Variants in COA1 observed in about 807,000 individuals in gnomAD.
COA1 encodes the protein cytochrome c oxidase assembly factor 1 homolog.
COA1 carries 13 observed loss-of-function variants against 16.0 expected under a neutral mutation model. The ratio of observed to expected loss-of-function variants is 0.81; its 90% CI spans 0.53 to 1.29. The LOEUF (loss-of-function observed/expected upper bound fraction) is 1.29. Ranked by LOEUF, COA1 falls within the 50% of genes most tolerant of loss-of-function variation. The pLI is 0.00. For missense variants in COA1, 179 were observed against 177.0 expected (o/e 1.01, Z -0.06); for synonymous variants, 65 against 65.7 (o/e 0.99, Z 0.05).
intron 1 of COA1, among the ~76,000 whole-genome samples, chr7:43,659,539 G>T (rs548383166): frequency 2.6e-5 from 4 of 152,206 alleles, no homozygotes; most frequent in African/African-American, 9.6e-5. Flanking sequence ...AAATGAATAT[G>T]AGTAGGGCAA....
chr7:43,659,763 GT>G (rs2153154424), intron 1 of COA1, among the ~76,000 whole-genome samples: 1 of 152,164 alleles, frequency 6.6e-6, no homozygotes, highest in East Asian at 1.9e-4. Flanking sequence ...TCCCCTGCCT[GT>G]TTTACATAGC....
chr7:43,691,407 G>GAAA (rs1563384901), intron 1 of COA1, among the ~76,000 whole-genome samples: 6 of 104,746 alleles, frequency 5.7e-5, no homozygotes, highest in African/African-American at 7.3e-5. Context: ...AAGGAAGGAA[G>GAAA]GAAGGAAGAA....
At chr7:43,660,334 T>G (rs900964766) in intron 1 of COA1, among the ~76,000 whole-genome samples, 2 of 151,980 alleles carry the variant, frequency 1.3e-5, no homozygotes, top group African/African-American at 4.8e-5. Flanking sequence ...CTGACCCTCC[T>G]CCACTCCACA....
At chr7:43,712,719 T>C (rs1043044123) in intron 1 of COA1, among the ~76,000 whole-genome samples, 1 of 152,238 alleles carries the variant, frequency 6.6e-6, no homozygotes, top group Admixed American at 6.5e-5. Flanking sequence ...AACTCAACTG[T>C]ATAAACATTG....
chr7:43,674,797 A>T (rs1292201707), intron 1 of COA1, among the ~76,000 whole-genome samples: 1 of 152,198 alleles, frequency 6.6e-6, no homozygotes, highest in Non-Finnish European at 1.5e-5. Flanking sequence ...ACTTTTAAGG[A>T]CAAACTTCCT....
chr7:43,691,421 A>AAAAGAAAGAAATAAAG (rs1554542663), intron 1 of COA1, among the ~76,000 whole-genome samples: 56 of 87,516 alleles, frequency 6.4e-4, no homozygotes, highest in Non-Finnish European at 8.7e-4. Context: ...GGAAGAAAGA[A>AAAAGAAAGAAATAAAG]AAAGAAAGAA....
chr7:43,686,848 G>A (rs2094059033), intron 1 of COA1, among the ~76,000 whole-genome samples: 1 of 152,154 alleles, frequency 6.6e-6, no homozygotes, highest in African/African-American at 2.4e-5. Flanking sequence ...TATAATACAA[G>A]TATTTAAAAA....
At chr7:43,622,342 C>CGGGA (rs2083984172) in intron 6 of COA1, 1 of 152,218 alleles carries the variant, frequency 6.6e-6, no homozygotes, top group Non-Finnish European at 1.5e-5. Flanking sequence ...CCAACCTCTT[C>CGGGA]CTCCCACTCA....
chr7:43,618,319 T>G (rs2083535045), intron 6 of COA1, among the ~76,000 whole-genome samples: 2 of 152,190 alleles, frequency 1.3e-5, no homozygotes, highest in African/African-American at 4.8e-5. Flanking sequence ...TGAGAATAAA[T>G]CTGTCAGGCA....
chr7:43,636,432 G>A (rs2085890726), downstream of COA1, among the ~76,000 whole-genome samples: 1 of 152,202 alleles, frequency 6.6e-6, no homozygotes, highest in Admixed American at 6.5e-5. Context: ...TGTAAGGCAA[G>A]TGATTGGTAA....
intron 1 of COA1, among the ~76,000 whole-genome samples, chr7:43,671,891 T>C (rs1452740364): frequency 6.6e-6 from 1 of 152,154 alleles, no homozygotes; most frequent in Non-Finnish European, 1.5e-5. Flanking sequence ...AAGTGCCTTC[T>C]GCCATGATTC....
chr7:43,653,248 C>T (rs1217613388), intron 1 of COA1, among the ~76,000 whole-genome samples: 3 of 151,776 alleles, frequency 2.0e-5, no homozygotes, highest in African/African-American at 7.3e-5. Context: ...GGAGGTGGAG[C>T]TTGCGGTGAG....
intron 1 of COA1, among the ~76,000 whole-genome samples, chr7:43,691,850 C>A (rs1317094606): frequency 1.3e-5 from 2 of 152,198 alleles, no homozygotes; most frequent in Non-Finnish European, 2.9e-5. Context: ...CGGGTTCAAA[C>A]TCAGAAACAG....
At chr7:43,710,348 C>CCA in intron 1 of COA1, among the ~76,000 whole-genome samples, 1 of 52,450 alleles carries the variant, frequency 1.9e-5, no homozygotes, top group South Asian at 7.5e-4. Context: ...GACTCTGTCT[C>CCA]AAAAAAAAAA....
intron 1 of COA1, among the ~76,000 whole-genome samples, chr7:43,710,375 A>AAAAAAAAAAT (rs761592421): frequency 5.5e-5 from 2 of 36,432 alleles, no homozygotes; most frequent in Non-Finnish European, 9.4e-5. Flanking sequence ...AAAAAAAAAA[A>AAAAAAAAAAT]ATATATATAT....
At chr7:43,628,580 C>A (rs1182479043) in intron 6 of COA1, among the ~76,000 whole-genome samples, 1 of 152,168 alleles carries the variant, frequency 6.6e-6, no homozygotes, top group Non-Finnish European at 1.5e-5. Context: ...GCACATTGTA[C>A]TCTGGTTGTT....
intron 1 of COA1, among the ~76,000 whole-genome samples, chr7:43,682,103 TGC>T (rs2093794961): frequency 6.6e-6 from 1 of 152,154 alleles, no homozygotes; most frequent in Non-Finnish European, 1.5e-5. Context: ...AACGAAATAG[TGC>T]AAGTTCCCAT....
Position 43,729,473 on chromosome 7 carries a change from C to G in COA1, c.-83G>C, listed in dbSNP as rs1195704909. 1 of 152,348 alleles carries G rather than the reference C, an allele frequency of 6.6e-6. No homozygotes were observed. Among genetic ancestry groups the G allele is most frequent in the Non-Finnish European group, 1.5e-5 (1 of 68,102 alleles). 9.4% of individuals were successfully genotyped at this position (152,348 alleles called of 1,614,324 possible). A position where few individuals can be genotyped will look rare whatever the true frequency, so the allele number is the denominator to read the frequency against. ...CACGCTACAAAGAGCATGACGAGTT[C>G]TTCCAGGCTTGGGAAAGCACGGGTA... is the stretch of plus-strand genomic sequence containing the variant. On this transcript the variant is annotated 5_prime_UTR_variant, in exon 1 of 6. Coordinates refer to ENST00000223336, the MANE Select transcript of COA1 (RefSeq NM_018224.4).
intron 1 of COA1, among the ~76,000 whole-genome samples, chr7:43,663,682 A>C (rs1255673816): frequency 1.0e-3 from 154 of 149,904 alleles, no homozygotes; most frequent in African/African-American, 3.6e-3. Context: ...AAAAAAAAAA[A>C]AAAAAACACA....
Sources: allele counts gnomAD v4.1 joint callset (sites outside exome capture counted in the v4.1 genomes callset), GRCh38; gene constraint gnomAD v4.1.1; transcripts MANE v1.5; gene names NCBI Gene and HGNC (gene_info 2026-07-23, HGNC 2026-07-21).